The following SBF2 variants were observed in gnomAD, a reference collection of about 807,000 sequenced individuals.
The protein encoded by SBF2 is SET binding factor 2.
A neutral mutation model predicts 225.2 loss-of-function variants in SBF2; 112 were observed. That is an observed-to-expected ratio of 0.50 (90% CI 0.43 to 0.58). SBF2 has a LOEUF of 0.58. SBF2 is among the 20% of genes least tolerant of loss of function. The pLI, the probability that SBF2 is intolerant of heterozygous loss-of-function variation, is 0.00. For synonymous variants in SBF2, 763 were observed against 773.3 expected (o/e 0.99, Z 0.22); for missense variants, 1,996 against 2,206.2 (o/e 0.90, Z 1.91).
intron 2 of SBF2, among the ~76,000 whole-genome samples, chr11:10,070,256 C>T (rs1228930390): frequency 1.3e-5 from 2 of 152,160 alleles, no homozygotes; most frequent in Non-Finnish European, 2.9e-5. Context: ...AATGGTACTG[C>T]CTAGGTTTTT....
At chr11:10,227,700 T>C (rs994874247) in intron 1 of SBF2, among the ~76,000 whole-genome samples, 6 of 152,212 alleles carry the variant, frequency 3.9e-5, no homozygotes, top group Non-Finnish European at 7.4e-5. Context: ...TTGGTACCAG[T>C]ACCATGCTGT....
intron 2 of SBF2, among the ~76,000 whole-genome samples, chr11:10,096,979 TTC>T (rs1397485163): frequency 2.6e-5 from 4 of 152,208 alleles, no homozygotes; most frequent in African/African-American, 9.6e-5. Flanking sequence ...CACTATGACT[TTC>T]TCTAGAACCT....
chr11:9,987,210 G>T (rs1308960127), intron 13 of SBF2, among the ~76,000 whole-genome samples: 3 of 152,070 alleles, frequency 2.0e-5, no homozygotes, highest in African/African-American at 7.2e-5. Flanking sequence ...CAAAGCACTG[G>T]ACAAAATTTA....
chr11:10,230,670 TGAGA>T (rs1555086170), intron 1 of SBF2, among the ~76,000 whole-genome samples: 3 of 152,226 alleles, frequency 2.0e-5, no homozygotes, highest in Non-Finnish European at 1.5e-5. Flanking sequence ...GAGTTTCTGC[TGAGA>T]GATCCGCTGT....
At position 10,003,910 on chromosome 11, in the gene SBF2, C is replaced by T. The variant is rs190305244; in HGVS notation, c.620-1221G>A. 2.4e-3 allele frequency among the ~76,000 whole-genome samples: 358 copies of T among 152,152 alleles called. 1 individual carries two copies. The highest frequency in any genetic ancestry group is 7.3e-3 in the African/African-American group (304 of 41,512). On this transcript the variant is annotated intron_variant, in intron 6 of 39. Coordinates refer to ENST00000256190, the MANE Select transcript of SBF2 (RefSeq NM_030962.4). ...CACTTCAACTTTAATCATACACACC[C>T]GGTAAAGCAAGAGTCCCCATTTGTT... is the stretch of plus-strand genomic sequence containing the variant.
intron 17 of SBF2, among the ~76,000 whole-genome samples, chr11:9,871,681 C>A (rs189920336): frequency 5.7e-4 from 87 of 151,946 alleles, no homozygotes; most frequent in African/African-American, 2.1e-3. Context: ...TTAGTTGAGA[C>A]GGGGTTTCAC....
At chr11:10,289,288 G>C (rs11042720) in intron 1 of SBF2, among the ~76,000 whole-genome samples, 1 of 152,208 alleles carries the variant, frequency 6.6e-6, no homozygotes, top group Non-Finnish European at 1.5e-5. Flanking sequence ...GGCAGCTGCA[G>C]CTGTGTGGGG....
chr11:9,960,118 C>G lies in SBF2; in HGVS notation c.1860+1839G>C, dbSNP rs545421589. On this transcript the variant is annotated intron_variant, in intron 16 of 39. Transcript: ENST00000256190. ...CATGTGATTCTCCTATCTCAGCTAC[C>G]TGAGTAGCTGGGACTATAGATGCAC... The G allele has an allele frequency of 5.7e-5, 10 of 174,044 alleles. No homozygotes were observed. In the East Asian group the frequency reaches 1.5e-3, roughly 27 times the overall value. 10.8% of individuals were successfully genotyped at this position (174,044 alleles called of 1,614,324 possible). A position where few individuals can be genotyped will look rare whatever the true frequency, so the allele number is the denominator to read the frequency against.
intron 1 of SBF2, among the ~76,000 whole-genome samples, chr11:10,252,125 A>G (rs1960412371): frequency 6.6e-6 from 1 of 152,260 alleles, no homozygotes; most frequent in Admixed American, 6.5e-5. Flanking sequence ...ATGTTCCAGC[A>G]TAAGGAGGTA....
chr11:10,000,097 A>G (rs1947893436), intron 8 of SBF2, among the ~76,000 whole-genome samples: 1 of 152,194 alleles, frequency 6.6e-6, no homozygotes, highest in Non-Finnish European at 1.5e-5. Context: ...CCATTCCATA[A>G]CCAGGCAGTT....
intron 2 of SBF2, among the ~76,000 whole-genome samples, chr11:10,127,885 G>A (rs554405134): frequency 6.6e-6 from 1 of 152,286 alleles, no homozygotes; most frequent in South Asian, 2.1e-4. Context: ...AAATTATGAG[G>A]CTAAGCAAGT....
intron 35 of SBF2, chr11:9,788,020 C>A: frequency 2.2e-6 from 1 of 445,920 alleles, no homozygotes; most frequent in South Asian, 2.1e-5. Context: ...TCTCAGACAT[C>A]TGCACCCTTG....
chr11:10,064,236 A>G, intron 2 of SBF2, among the ~76,000 whole-genome samples: 1 of 152,192 alleles, frequency 6.6e-6, no homozygotes, highest in East Asian at 1.9e-4. Flanking sequence ...TATAGTTCTT[A>G]TACTATAGGA....
At chr11:9,806,321 A>G (rs1853845393) in intron 32 of SBF2, among the ~76,000 whole-genome samples, 1 of 152,232 alleles carries the variant, frequency 6.6e-6, no homozygotes, top group Admixed American at 6.5e-5. Flanking sequence ...ACAAATTAGT[A>G]ATTATTGTTA....
chr11:9,867,215 C>T (rs537672623), intron 17 of SBF2, among the ~76,000 whole-genome samples: 2 of 152,258 alleles, frequency 1.3e-5, no homozygotes, highest in South Asian at 2.1e-4. Context: ...ATAATGCATG[C>T]TTGTATCAAA....
intron 16 of SBF2, among the ~76,000 whole-genome samples, chr11:9,929,495 C>T (rs914361829): frequency 6.6e-6 from 1 of 152,140 alleles, no homozygotes; most frequent in African/African-American, 2.4e-5. Context: ...TGGTCTGCTG[C>T]CAGTCTGATC....
intron 2 of SBF2, among the ~76,000 whole-genome samples, chr11:10,178,026 A>G (rs1262592468): frequency 2.7e-5 from 4 of 147,302 alleles, no homozygotes; most frequent in Non-Finnish European, 5.9e-5. Context: ...CAGAGCCCTC[A>G]GAAATAACAC....
intron 28 of SBF2, among the ~76,000 whole-genome samples, chr11:9,823,990 A>C (rs556721245): frequency 6.6e-6 from 1 of 152,214 alleles, no homozygotes; most frequent in South Asian, 2.1e-4. Flanking sequence ...GGAGTAAAAA[A>C]CTGTCATAAG....
intron 16 of SBF2, among the ~76,000 whole-genome samples, chr11:9,927,518 G>A (rs1864147004): frequency 6.6e-6 from 1 of 152,002 alleles, no homozygotes; most frequent in Non-Finnish European, 1.5e-5. Flanking sequence ...GAGGATCACT[G>A]GAGTCAGTCT....
Sources: allele counts gnomAD v4.1 joint callset (sites outside exome capture counted in the v4.1 genomes callset), GRCh38; gene constraint gnomAD v4.1.1; transcripts MANE v1.5; gene names NCBI Gene and HGNC (gene_info 2026-07-23, HGNC 2026-07-21).